Variants in MEGF11 observed in about 807,000 individuals in gnomAD.
MEGF11 encodes multiple epidermal growth factor-like domains protein 11.
In MEGF11, 126 loss-of-function variants were observed where a neutral mutation model predicts 146.6. The ratio of observed to expected loss-of-function variants is 0.86; its 90% CI spans 0.74 to 1.00. The LOEUF is 1.00. MEGF11 is among the 50% of genes least tolerant of loss of function. The pLI is 0.00. For missense variants in MEGF11, 1,509 were observed against 1,521.2 expected, an observed-to-expected ratio of 0.99 and a Z score of 0.13; for synonymous variants, 532 against 583.4, an observed-to-expected ratio of 0.91 and a Z score of 1.27.
chr15:66,030,900 C>T (rs2083491094), intron 5 of MEGF11, among the ~76,000 whole-genome samples: 1 of 152,210 alleles, frequency 6.6e-6, no homozygotes, highest in African/African-American at 2.4e-5. Context: ...TCTGAGGATT[C>T]AACCTGGGGC....
At chr15:65,987,548 G>GTAA (rs1193103587) in intron 5 of MEGF11, among the ~76,000 whole-genome samples, 2 of 152,052 alleles carry the variant, frequency 1.3e-5, no homozygotes, top group African/African-American at 4.8e-5. Context: ...TTTTAAGTGT[G>GTAA]TAATTCAGTG....
At chr15:66,178,736 C>T (rs1159529684) in intron 1 of MEGF11, among the ~76,000 whole-genome samples, 1 of 152,132 alleles carries the variant, frequency 6.6e-6, no homozygotes, top group Non-Finnish European at 1.5e-5. Context: ...TGGGTCCCAG[C>T]CCTTCAGAGG....
intron 1 of MEGF11, among the ~76,000 whole-genome samples, chr15:66,163,846 G>A (rs540524158): frequency 4.6e-5 from 7 of 152,284 alleles, no homozygotes; most frequent in East Asian, 1.9e-4. Flanking sequence ...AATCCTCCCC[G>A]CATGCACACG....
chr15:66,202,102 C>A (rs1027759544), intron 1 of MEGF11, among the ~76,000 whole-genome samples: 2 of 151,796 alleles, frequency 1.3e-5, no homozygotes, highest in Non-Finnish European at 1.5e-5. Context: ...GTGCTGAGAC[C>A]CCCAATGTAC....
chr15:66,041,682 T>C (rs1035647858), intron 5 of MEGF11, among the ~76,000 whole-genome samples: 3 of 152,230 alleles, frequency 2.0e-5, no homozygotes, highest in African/African-American at 7.2e-5. Context: ...ACAGAAACCT[T>C]GTATGTGGTT....
Position 66,128,324 on chromosome 15 carries a change from A to G in MEGF11, c.80T>C (p.Val27Ala). The part of the protein sequence containing the change: ...TLALNPEDPN[V>A]CSHWESYAVT... ...ACCTTACCTCTCCCAGTGGCTGCAC[A>G]CGTTGGGGTCCTCGGGGTTCAGGGC... The change falls in exon 2 of 26, where the codon GTG becomes GCG. Residue 27 changes from valine (V) to alanine (A), a missense_variant. Transcript: ENST00000395614. 6.6e-7 allele frequency: 1 copy of G among 1,519,502 alleles called. No individual in the cohort carries two copies. The highest frequency in any genetic ancestry group is 8.8e-7 in the Non-Finnish European group (1 of 1,132,324). The allele number at this position is 1,519,502 out of a possible 1,614,324, so 94.1% of individuals were successfully genotyped here.
rs527283194 is a variant in MEGF11, at chr15:66,148,500, G to A, written c.-8-20089C>T. ...AGGATGGGGCTGGGGCAGGAAGAACGACAGGAGGTTGCCACAGTGGGCCTG... is the reference window on the plus strand; with the variant it reads ...AGGATGGGGCTGGGGCAGGAAGAACAACAGGAGGTTGCCACAGTGGGCCTG... On this transcript the variant is annotated intron_variant, in intron 1 of 25. Coordinates refer to ENST00000395614, the MANE Select transcript of MEGF11 (RefSeq NM_001385028.1). Among the ~76,000 whole-genome samples the A allele has an allele frequency of 4.6e-5, 7 of 152,326 alleles. No homozygotes were observed. The South Asian group carries it at 8.3e-4, about 18-fold the overall frequency.
intron 1 of MEGF11, among the ~76,000 whole-genome samples, chr15:66,134,896 GA>G (rs1436148466): frequency 6.6e-6 from 1 of 152,250 alleles, no homozygotes; most frequent in Non-Finnish European, 1.5e-5. Flanking sequence ...ACTGTTCCCT[GA>G]AAGGGAGGTG....
At chr15:66,053,394 C>T (rs1265820906) in intron 5 of MEGF11, among the ~76,000 whole-genome samples, 1 of 152,144 alleles carries the variant, frequency 6.6e-6, no homozygotes, top group South Asian at 2.1e-4. Context: ...CTTTAGATTT[C>T]TCATGCTGTT....
chr15:65,900,806 T>C (rs2078477072), intron 24 of MEGF11, among the ~76,000 whole-genome samples: 1 of 152,176 alleles, frequency 6.6e-6, no homozygotes, highest in South Asian at 2.1e-4. Context: ...GTCTTAAGAT[T>C]GTGGCCTCTT....
In MEGF11 at chr15:65,897,806, T is replaced by A. The variant is rs2078387026; in HGVS notation, c.*128A>T. Reference sequence around the variant, plus strand: ...TCCCACCTGGACGCTCTTCTTTAGTTCCAGGTGAACGTAATAACTAACATG... The same window carrying A: ...TCCCACCTGGACGCTCTTCTTTAGTACCAGGTGAACGTAATAACTAACATG... On this transcript the variant is annotated 3_prime_UTR_variant, in exon 26 of 26. Transcript: ENST00000395614. 1 of 903,268 alleles carries A rather than the reference T, an allele frequency of 1.1e-6. No homozygotes were observed. Among genetic ancestry groups the A allele is most frequent in the Non-Finnish European group, 1.6e-6 (1 of 612,362 alleles). The allele number at this position is 903,268 out of a possible 1,614,324, so 56.0% of individuals were successfully genotyped here. A position where few individuals can be genotyped will look rare whatever the true frequency, so the allele number is the denominator to read the frequency against.
At chr15:66,007,658 A>T (rs1394665460) in intron 5 of MEGF11, among the ~76,000 whole-genome samples, 1 of 152,164 alleles carries the variant, frequency 6.6e-6, no homozygotes, top group African/African-American at 2.4e-5. Flanking sequence ...GAAGCTGAGG[A>T]GAAAGGATGG....
At chr15:66,149,793 C>A (rs1219838870) in intron 1 of MEGF11, among the ~76,000 whole-genome samples, 1 of 152,120 alleles carries the variant, frequency 6.6e-6, no homozygotes, top group African/African-American at 2.4e-5. Context: ...AGAAATACAC[C>A]ATCCACTTAG....
chr15:66,215,692 G>T (rs1021267782), intron 1 of MEGF11, among the ~76,000 whole-genome samples: 12 of 152,178 alleles, frequency 7.9e-5, no homozygotes, highest in Non-Finnish European at 1.8e-4. Flanking sequence ...AGAGTTGGGG[G>T]CCAGGAAGAC....
chr15:66,024,301 A>G (rs1371771156), intron 5 of MEGF11, among the ~76,000 whole-genome samples: 1 of 152,262 alleles, frequency 6.6e-6, no homozygotes, highest in Non-Finnish European at 1.5e-5. Context: ...CTGAACCTGC[A>G]GTCAGCCCTG....
chr15:66,191,692 C>T (rs1231142481), intron 1 of MEGF11, among the ~76,000 whole-genome samples: 2 of 152,160 alleles, frequency 1.3e-5, no homozygotes, highest in Non-Finnish European at 2.9e-5. Context: ...TCAGATGCCC[C>T]CTTGAGGAGG....
intron 1 of MEGF11, among the ~76,000 whole-genome samples, chr15:66,138,575 C>G (rs2089000601): frequency 1.3e-5 from 2 of 152,164 alleles, no homozygotes; most frequent in African/African-American, 2.4e-5. Flanking sequence ...CACTTCACCT[C>G]CCTCCTCTGC....
chr15:66,248,026 C>T (rs2199569), intron 1 of MEGF11, among the ~76,000 whole-genome samples: 5,921 of 152,132 alleles, frequency 0.039, 386 homozygotes, highest in African/African-American at 0.14. Context: ...ACAATGACTT[C>T]CTTCTCTTGC....
At chr15:66,233,130 T>C (rs750858683) in intron 1 of MEGF11, among the ~76,000 whole-genome samples, 1 of 152,204 alleles carries the variant, frequency 6.6e-6, no homozygotes, top group Non-Finnish European at 1.5e-5. Context: ...GGGCTGTTCA[T>C]AATACCAGCA....
Sources: allele counts gnomAD v4.1 joint callset (sites outside exome capture counted in the v4.1 genomes callset), GRCh38; gene constraint gnomAD v4.1.1; transcripts MANE v1.5; gene names NCBI Gene and HGNC (gene_info 2026-07-23, HGNC 2026-07-21).